The following KCND2 variants were observed in gnomAD, a reference collection of about 807,000 sequenced individuals.
KCND2 encodes the protein A-type voltage-gated potassium channel KCND2.
A neutral mutation model predicts 54.4 loss-of-function variants in KCND2; 16 were observed. The observed-to-expected ratio is 0.29, with a 90% CI of 0.20 to 0.45. KCND2 has a LOEUF of 0.45. Ranked by LOEUF, KCND2 falls within the 20% of genes least tolerant of loss-of-function variation. The pLI is 1.00. For synonymous variants in KCND2, 317 were observed against 310.7 expected, an observed-to-expected ratio of 1.02 and a Z score of -0.21; for missense variants, 486 against 824.2, an observed-to-expected ratio of 0.59 and a Z score of 5.02.
chr7:120,580,143 C>G (rs976309311), intron 1 of KCND2, among the ~76,000 whole-genome samples: 3 of 152,200 alleles, frequency 2.0e-5, no homozygotes, highest in Non-Finnish European at 4.4e-5. Flanking sequence ...TGTATCAGCA[C>G]AGCATAACCC....
intron 1 of KCND2, among the ~76,000 whole-genome samples, chr7:120,416,143 A>T (rs939406937): frequency 6.6e-6 from 1 of 152,152 alleles, no homozygotes; most frequent in Non-Finnish European, 1.5e-5. Context: ...CTTCTCTTAG[A>T]GCTCTTTTTT....
intron 1 of KCND2, among the ~76,000 whole-genome samples, chr7:120,500,862 T>G (rs147837109): frequency 3.1e-4 from 47 of 151,548 alleles, no homozygotes; most frequent in African/African-American, 1.1e-3. Context: ...TTATTGAGAA[T>G]ATTCTACCTA....
In KCND2 at chr7:120,452,412, C is replaced by A. The variant is rs185085303; in HGVS notation, c.1115+176665C>A. Among the ~76,000 whole-genome samples the A allele has an allele frequency of 4.7e-4, 71 of 152,268 alleles. 1 individual carries two copies. The highest frequency in any genetic ancestry group is 4.0e-3 in the Admixed American group (61 of 15,300). ...ACACAGCCATTTGGAACATGTGATGCTGAGGGACTGGAACATCAGGTAGAC... is the reference window on the plus strand; with the variant it reads ...ACACAGCCATTTGGAACATGTGATGATGAGGGACTGGAACATCAGGTAGAC... On this transcript the variant is annotated intron_variant, in intron 1 of 5. Transcript: ENST00000331113.
At chr7:120,386,237 A>G (rs1800986072) in intron 1 of KCND2, among the ~76,000 whole-genome samples, 1 of 152,166 alleles carries the variant, frequency 6.6e-6, no homozygotes, top group South Asian at 2.1e-4. Flanking sequence ...TTGCTATAAT[A>G]AAAATCATAT....
intron 1 of KCND2, among the ~76,000 whole-genome samples, chr7:120,579,805 C>A (rs191327805): frequency 6.6e-6 from 1 of 152,094 alleles, no homozygotes; most frequent in African/African-American, 2.4e-5. Context: ...GCACATCAGT[C>A]TTTACCACAC....
intron 1 of KCND2, among the ~76,000 whole-genome samples, chr7:120,519,714 A>C (rs532476991): frequency 1.3e-3 from 197 of 152,300 alleles, no homozygotes; most frequent in Non-Finnish European, 2.4e-3. Flanking sequence ...CTTTCATATG[A>C]AAGTGTTATT....
intron 1 of KCND2, among the ~76,000 whole-genome samples, chr7:120,538,599 C>T (rs781443025): frequency 6.6e-6 from 1 of 152,166 alleles, no homozygotes; most frequent in Non-Finnish European, 1.5e-5. Flanking sequence ...GCACTGGGCA[C>T]TGCTGGCAGC....
At chr7:120,730,409 A>T (rs1006260201) in intron 1 of KCND2, among the ~76,000 whole-genome samples, 1 of 152,138 alleles carries the variant, frequency 6.6e-6, no homozygotes, top group Non-Finnish European at 1.5e-5. Context: ...TGACCTTCCA[A>T]TCCCACTGAC....
chr7:120,412,998 T>C, intron 1 of KCND2, among the ~76,000 whole-genome samples: 1 of 152,100 alleles, frequency 6.6e-6, no homozygotes, highest in Non-Finnish European at 1.5e-5. Flanking sequence ...TTAGTTAGTT[T>C]TGTTGAAATC....
intron 1 of KCND2, among the ~76,000 whole-genome samples, chr7:120,300,136 G>A (rs1563001821): frequency 6.6e-6 from 1 of 152,144 alleles, no homozygotes. Context: ...ACACCAGGCT[G>A]TATAAAATAC....
intron 1 of KCND2, among the ~76,000 whole-genome samples, chr7:120,687,245 A>G (rs1437015072): frequency 6.6e-6 from 1 of 152,166 alleles, no homozygotes; most frequent in Non-Finnish European, 1.5e-5. Flanking sequence ...GTTTGACTGC[A>G]TTAGTGTCCA....
intron 1 of KCND2, among the ~76,000 whole-genome samples, chr7:120,353,132 ACTTTT>A: frequency 1.3e-5 from 1 of 75,036 alleles, no homozygotes; most frequent in Middle Eastern, 8.5e-3. Flanking sequence ...AAATACTTTT[ACTTTT>A]TTTTTTTTTT....
chr7:120,499,852 A>G (rs1300772640), intron 1 of KCND2, among the ~76,000 whole-genome samples: 2 of 152,084 alleles, frequency 1.3e-5, no homozygotes, highest in African/African-American at 4.8e-5. Flanking sequence ...TAGTACTTTT[A>G]TCTTCATCTT....
At chr7:120,727,227 C>T (rs1034571463) in intron 1 of KCND2, among the ~76,000 whole-genome samples, 2 of 152,102 alleles carry the variant, frequency 1.3e-5, no homozygotes, top group African/African-American at 2.4e-5. Flanking sequence ...AATATTTCTC[C>T]ATTTGAGATA....
At chr7:120,277,479 T>G (rs1324899138) in intron 1 of KCND2, among the ~76,000 whole-genome samples, 1 of 152,056 alleles carries the variant, frequency 6.6e-6, no homozygotes, top group Non-Finnish European at 1.5e-5. Context: ...TCTGTTTTAA[T>G]AGGAAGGGAG....
At position 120,425,389 on chromosome 7, in the gene KCND2, A is replaced by G. The variant is rs180671312; in HGVS notation, c.1115+149642A>G. Among the ~76,000 whole-genome samples the G allele has an allele frequency of 1.3e-3, 200 of 152,368 alleles. 1 individual carries two copies. Among genetic ancestry groups the G allele is most frequent in the Non-Finnish European group, 2.2e-3 (153 of 68,040 alleles). On this transcript the variant is annotated intron_variant, in intron 1 of 5. Coordinates refer to ENST00000331113, the MANE Select transcript of KCND2 (RefSeq NM_012281.3). ...CAGATACGTGATGCCTGCCTGCGAC[A>G]ATATTTCTGAACAGTCATTTAATCA... is the stretch of plus-strand genomic sequence containing the variant.
intron 1 of KCND2, among the ~76,000 whole-genome samples, chr7:120,680,664 G>A (rs1209102600): frequency 6.6e-6 from 1 of 152,006 alleles, no homozygotes; most frequent in Non-Finnish European, 1.5e-5. Flanking sequence ...TCTTATTGCT[G>A]CCTTTCATTA....
At chr7:120,335,518 G>T (rs924170353) in intron 1 of KCND2, among the ~76,000 whole-genome samples, 3 of 145,112 alleles carry the variant, frequency 2.1e-5, no homozygotes, top group Admixed American at 7.0e-5. Flanking sequence ...ACAGAGTCTC[G>T]CTCTGTCGCC....
intron 1 of KCND2, among the ~76,000 whole-genome samples, chr7:120,309,962 G>C (rs772024491): frequency 4.6e-5 from 7 of 151,986 alleles, no homozygotes; most frequent in African/African-American, 1.7e-4. Context: ...TTGAAATCTT[G>C]TGTACTTCAC....
Sources: allele counts gnomAD v4.1 joint callset (sites outside exome capture counted in the v4.1 genomes callset), GRCh38; gene constraint gnomAD v4.1.1; transcripts MANE v1.5; gene names NCBI Gene and HGNC (gene_info 2026-07-23, HGNC 2026-07-21).